ATP13A3: variants seen among roughly 807,000 people sequenced by gnomAD.
ATP13A3 encodes polyamine-transporting ATPase 13A3.
ATP13A3 carries 59 observed loss-of-function variants against 158.1 expected under a neutral mutation model. That is an observed-to-expected ratio of 0.37 (90% CI 0.30 to 0.46). ATP13A3 has a LOEUF of 0.46. Among genes scored for constraint, ATP13A3 ranks in the 20% least tolerant of loss-of-function variants. The pLI is 1.00. For missense variants in ATP13A3, 1,166 were observed against 1,525.2 expected, an observed-to-expected ratio of 0.76 and a Z score of 3.92; for synonymous variants, 491 against 504.3, an observed-to-expected ratio of 0.97 and a Z score of 0.35.
In ATP13A3 at chr3:194,405,536, CAA is replaced by C. The variant is rs1358330437; in HGVS notation, c.*381_*382del. On this transcript the variant is annotated 3_prime_UTR_variant, in exon 34 of 34. Coordinates refer to ENST00000645319, the MANE Select transcript of ATP13A3 (RefSeq NM_001367549.1). ...TGTATATAAACACAGACTTTTCTAACAAGAGGGTTGTGAGCATAAATGTGAAG... is the reference window on the plus strand; with the variant it reads ...TGTATATAAACACAGACTTTTCTAACGAGGGTTGTGAGCATAAATGTGAAG... 5.9e-6 allele frequency: 1 copy of C among 169,646 alleles called. No individual in the cohort carries two copies. The highest frequency in any genetic ancestry group is 2.4e-5 in the African/African-American group (1 of 41,708). The allele number at this position is 169,646 out of a possible 1,614,324, so 10.5% of individuals were successfully genotyped here.
At chr3:194,438,766 T>C (rs1238499878) in intron 17 of ATP13A3, 90 bp downstream of exon 17, 26 of 832,916 alleles carry the variant, frequency 3.1e-5, no homozygotes, top group Non-Finnish European at 3.5e-5. Context: ...TAGCAAGACC[T>C]TGTCTCTATA....
upstream of ATP13A3, chr3:194,487,465 C>T (rs1577101437): frequency 6.6e-6 from 1 of 152,418 alleles, no homozygotes; most frequent in Admixed American, 6.5e-5. Context: ...GCCACCCTCG[C>T]CCCCGCCAAA....
chr3:194,429,622 A>G, intron 27 of ATP13A3, 56 bp downstream of exon 27: 4 of 1,345,252 alleles, frequency 3.0e-6, no homozygotes, highest in Non-Finnish European at 4.2e-6. Context: ...TACGCTCAAC[A>G]TCTTAATTTA....
At chr3:194,449,358 A>G (rs998361379) in intron 11 of ATP13A3, among the ~76,000 whole-genome samples, 2 of 151,132 alleles carry the variant, frequency 1.3e-5, no homozygotes, top group African/African-American at 4.9e-5. Context: ...ATCAACTAGG[A>G]CAATTAAAAA....
intron 33 of ATP13A3, among the ~76,000 whole-genome samples, chr3:194,409,347 A>G (rs1715182392): frequency 6.6e-6 from 1 of 152,212 alleles, no homozygotes; most frequent in South Asian, 2.1e-4. Context: ...ATAAGCTCAA[A>G]TAATATTCTA....
chr3:194,420,018 T>C (rs759529523), intron 30 of ATP13A3, 51 bp from the exon 31 acceptor site: 77 of 1,454,086 alleles, frequency 5.3e-5, no homozygotes, highest in Admixed American at 3.1e-5. Context: ...TTCCTTTATA[T>C]AAAAAGGCAT....
intron 1 of ATP13A3, among the ~76,000 whole-genome samples, chr3:194,486,348 C>T (rs999235129): frequency 6.6e-6 from 1 of 152,028 alleles, no homozygotes; most frequent in Non-Finnish European, 1.5e-5. Flanking sequence ...CCCACGCTCG[C>T]CCCCGGCAGG....
rs751519323 is a variant in ATP13A3 at position 194,453,757 on chromosome 3, T to C, written c.787A>G (p.Met263Val). 1.2e-6 allele frequency: 2 copies of C among 1,613,778 alleles called. No individual in the cohort carries two copies. Among genetic ancestry groups the C allele is most frequent in the South Asian group, 2.2e-5 (2 of 91,070 alleles). ...IRKQYVMLHD[M>V]VATHSTVRVS... ...CTTACGGTACTATGAGTTGCCACCA[T>C]GTCATGCAACATAACATATTGCTGA... is the stretch of plus-strand genomic sequence containing the variant. Residue 263 changes from methionine (M) to valine (V), a missense_variant, in exon 10 of 34, where the codon ATG (methionine) becomes GTG (valine). This residue lies in a region of ATP13A3 where 997 missense variants were observed against 1,341.2 expected (regional missense o/e 0.74). Coordinates refer to ENST00000645319, the MANE Select transcript of ATP13A3 (RefSeq NM_001367549.1).
rs972519611 is a variant in ATP13A3 at position 194,404,810 on chromosome 3, T to C, written c.*1109A>G. On this transcript the variant is annotated 3_prime_UTR_variant, in exon 34 of 34. Coordinates refer to ENST00000645319, the MANE Select transcript of ATP13A3 (RefSeq NM_001367549.1). ...TCATTTGTAACGATCCAATTCAAAA[T>C]AGACATGTTCTGACCTCTGGCGCCA... 3 of 152,270 alleles carry C rather than the reference T, an allele frequency of 2.0e-5. No homozygotes were observed. The highest frequency in any genetic ancestry group is 4.4e-5 in the Non-Finnish European group (3 of 68,008). 9.4% of individuals were successfully genotyped at this position (152,270 alleles called of 1,614,324 possible). A position where few individuals can be genotyped will look rare whatever the true frequency, so the allele number is the denominator to read the frequency against.
chr3:194,433,354 C>T (rs1052847717), intron 21 of ATP13A3, among the ~76,000 whole-genome samples: 14 of 151,438 alleles, frequency 9.2e-5, no homozygotes, highest in African/African-American at 3.4e-4. Context: ...CGCCATTCTC[C>T]TGCCTCAGCC....
chr3:194,415,668 T>TTC (rs200751655), intron 31 of ATP13A3, among the ~76,000 whole-genome samples: 67 of 126,298 alleles, frequency 5.3e-4, no homozygotes, highest in Middle Eastern at 7.6e-3. Flanking sequence ...ATTCTTTTTT[T>TTC]TTTTTTTTTT....
intron 28 of ATP13A3, among the ~76,000 whole-genome samples, chr3:194,428,139 T>C (rs2108803263): frequency 6.7e-6 from 1 of 149,282 alleles, no homozygotes; most frequent in South Asian, 2.1e-4. Flanking sequence ...GAGAATCGCT[T>C]GAACTCGGGA....
chr3:194,456,084 T>A, intron 7 of ATP13A3, 122 bp from the exon 8 acceptor site: 1 of 539,276 alleles, frequency 1.9e-6, no homozygotes, highest in Non-Finnish European at 3.2e-6. Context: ...CAAACACCTG[T>A]CTTCTATAAT....
intron 27 of ATP13A3, among the ~76,000 whole-genome samples, chr3:194,429,381 G>A (rs1332654116): frequency 6.6e-6 from 1 of 152,142 alleles, no homozygotes; most frequent in African/African-American, 2.4e-5. Context: ...TGAGTCTTTA[G>A]GATGTCAGAA....
At chr3:194,489,988 C>G (rs559025063), upstream of ATP13A3, among the ~76,000 whole-genome samples, 49 of 152,268 alleles carry the variant, frequency 3.2e-4, no homozygotes, top group African/African-American at 1.2e-3. The surrounding 1 kb of genome is among the most constrained non-coding windows in gnomAD (Gnocchi z 4.1). Flanking sequence ...TGCTTCCCCC[C>G]TCTGATCCTA....
At position 194,448,036 on chromosome 3, in the gene ATP13A3, A is replaced by T; in HGVS notation, c.1151-27T>A. 6.5e-7 allele frequency: 1 copy of T among 1,546,204 alleles called. No homozygotes were observed. The highest frequency in any genetic ancestry group is 8.8e-7 in the Non-Finnish European group (1 of 1,130,844). ...TTTCAAAAAAAGAAGACAATTATTG[A>T]TATTTTTATAAGAAAATGAGAATTA... On this transcript the variant is annotated intron_variant, in intron 12 of 33. Coordinates refer to ENST00000645319, the MANE Select transcript of ATP13A3 (RefSeq NM_001367549.1). The surrounding 1 kb of genome is among the most constrained non-coding windows in gnomAD (Gnocchi z 4.0).
chr3:194,466,089 A>G (rs188402203), intron 2 of ATP13A3, among the ~76,000 whole-genome samples: 48 of 152,326 alleles, frequency 3.2e-4, no homozygotes, highest in African/African-American at 1.1e-3. Flanking sequence ...GAAATGTGTA[A>G]CATGCCACTA....
chr3:194,423,147 C>A (rs1716510782), intron 30 of ATP13A3, among the ~76,000 whole-genome samples: 1 of 152,038 alleles, frequency 6.6e-6, no homozygotes, highest in Non-Finnish European at 1.5e-5. Context: ...AAGTGCATAT[C>A]ATGACCCTTG....
At position 194,419,958 on chromosome 3, in the gene ATP13A3, AC is replaced by A; in HGVS notation, c.3322del (p.Val1108PhefsTer4). 1 of 1,531,556 alleles carries A rather than the reference AC, an allele frequency of 6.5e-7. No homozygotes were observed. The allele number at this position is 1,531,556 out of a possible 1,614,324, so 94.9% of individuals were successfully genotyped here. A position where few individuals can be genotyped will look rare whatever the true frequency, so the allele number is the denominator to read the frequency against. On this transcript the variant is annotated frameshift_variant, in exon 31 of 34. Coordinates refer to ENST00000645319, the MANE Select transcript of ATP13A3 (RefSeq NM_001367549.1). LOFTEE classifies it high-confidence loss of function. ...RQPCYKNYFF[V>X]FSVIFLYIFI... ...AATATATAAAAAAATCACAGAAAAA[AC>A]AAAAAAATCTGGAAAAGACAGCAAA...
Sources: allele counts gnomAD v4.1 joint callset (sites outside exome capture counted in the v4.1 genomes callset), GRCh38; gene constraint gnomAD v4.1.1; regional missense constraint gnomAD v4.1.1; non-coding constraint Gnocchi (gnomAD v3.1); transcripts MANE v1.5; gene names NCBI Gene and HGNC (gene_info 2026-07-23, HGNC 2026-07-21).